Variants in SYCP1 observed in about 807,000 individuals in gnomAD.
The protein encoded by SYCP1 is synaptonemal complex protein 1.
SYCP1 carries 64 observed loss-of-function variants against 153.1 expected under a neutral mutation model. That is an observed-to-expected ratio of 0.42 (90% CI 0.34 to 0.51). The LOEUF is 0.51. SYCP1 is among the 20% of genes least tolerant of loss of function. SYCP1 has a pLI of 0.06. For missense variants in SYCP1, 997 were observed against 1,049.0 expected (o/e 0.95, Z 0.68); for synonymous variants, 384 against 341.8 (o/e 1.12, Z -1.36).
At chr1:114,941,227 T>G (rs2101807355) in intron 23 of SYCP1, among the ~76,000 whole-genome samples, 1 of 152,296 alleles carries the variant, frequency 6.6e-6, no homozygotes, top group South Asian at 2.1e-4. Flanking sequence ...TATAAATGGA[T>G]GCAGTTCAAA....
At position 114,977,608 on chromosome 1, in the gene SYCP1, A is replaced by G; in HGVS notation, c.2374A>G (p.Lys792Glu). Reference protein sequence around the residue: ...KENTATLKEKKDKKTQTFLLE... With the variant: ...KENTATLKEKEDKKTQTFLLE... ...AAACACAGCTACTCTTAAAGAAAAA[A>G]AAGACAAGGTAAGAGCATATAATTC... Residue 792 changes from lysine (K) to glutamate (E), a missense_variant, in exon 28 of 32, where the codon AAA (lysine) becomes GAA (glutamate). By Grantham distance (56) the Lys-to-Glu change is moderately conservative (BLOSUM62 1). Transcript: ENST00000369522. 2.7e-6 allele frequency: 4 copies of G among 1,506,120 alleles called. No individual in the cohort carries two copies. The highest frequency in any genetic ancestry group is 2.7e-6 in the Non-Finnish European group (3 of 1,122,158). The allele number at this position is 1,506,120 out of a possible 1,614,324, so 93.3% of individuals were successfully genotyped here.
rs539322891 is a variant in SYCP1 at position 114,939,460 on chromosome 1, G to C, written c.1927-4879G>C. 1.7e-4 allele frequency among the ~76,000 whole-genome samples: 26 copies of C among 152,252 alleles called. No individual in the cohort carries two copies. The East Asian group carries it at 4.4e-3, about 26-fold the overall frequency. On this transcript the variant is annotated intron_variant, in intron 23 of 31. Transcript: ENST00000369522. Reference sequence around the variant, plus strand: ...TATTCATATAATGGAATACTACTCAGAAGTAAAAAAGACCTACTGATAGTC... The same window carrying C: ...TATTCATATAATGGAATACTACTCACAAGTAAAAAAGACCTACTGATAGTC...
chr1:114,947,745 G>A (rs1459001540), intron 27 of SYCP1, among the ~76,000 whole-genome samples: 1 of 145,254 alleles, frequency 6.9e-6, no homozygotes, highest in African/African-American at 2.5e-5. Context: ...CCCGGGAGGC[G>A]GAGCTTGCAG....
At chr1:114,864,013 C>A (rs890050674) in intron 8 of SYCP1, among the ~76,000 whole-genome samples, 3 of 151,234 alleles carry the variant, frequency 2.0e-5, no homozygotes. Flanking sequence ...AGGACAAATA[C>A]CTAATGCAGG....
chr1:114,988,085 A>G (rs1442826869), intron 30 of SYCP1, among the ~76,000 whole-genome samples: 1 of 149,460 alleles, frequency 6.7e-6, no homozygotes, highest in Non-Finnish European at 1.5e-5. Context: ...AACGGCAAAA[A>G]AAAAAAAAAA....
At chr1:114,938,333 G>A (rs1210024219) in intron 23 of SYCP1, among the ~76,000 whole-genome samples, 1 of 148,486 alleles carries the variant, frequency 6.7e-6, no homozygotes, top group Non-Finnish European at 1.5e-5. Flanking sequence ...TCACTCATAG[G>A]TGTGAATTGA....
At chr1:114,964,786 G>C (rs774586308) in intron 27 of SYCP1, among the ~76,000 whole-genome samples, 1 of 152,200 alleles carries the variant, frequency 6.6e-6, no homozygotes, top group Non-Finnish European at 1.5e-5. Flanking sequence ...ATAGTTTGAA[G>C]TCACGTAGCA....
At chr1:114,990,469 T>G (rs529764029) in intron 30 of SYCP1, among the ~76,000 whole-genome samples, 1 of 151,836 alleles carries the variant, frequency 6.6e-6, no homozygotes, top group Non-Finnish European at 1.5e-5. Flanking sequence ...CCTAGTAGAT[T>G]GAGGGAAATA....
chr1:114,869,691 G>A (rs1664985173), intron 8 of SYCP1, among the ~76,000 whole-genome samples: 2 of 152,092 alleles, frequency 1.3e-5, no homozygotes, highest in Admixed American at 1.3e-4. Context: ...TTTTCAGATT[G>A]GGGATGCTCA....
At chr1:114,978,649 T>G (rs1472763764) in intron 28 of SYCP1, among the ~76,000 whole-genome samples, 1 of 151,656 alleles carries the variant, frequency 6.6e-6, no homozygotes, top group Admixed American at 6.6e-5. Context: ...TTGCTCTGAT[T>G]ATAGTTAAAC....
intron 27 of SYCP1, among the ~76,000 whole-genome samples, chr1:114,948,653 C>A (rs1262520196): frequency 6.6e-6 from 1 of 152,032 alleles, no homozygotes; most frequent in Non-Finnish European, 1.5e-5. Flanking sequence ...CACTCTGTGC[C>A]CCCTGTTATA....
intron 20 of SYCP1, among the ~76,000 whole-genome samples, chr1:114,919,606 T>A (rs1475077545): frequency 6.6e-6 from 1 of 152,092 alleles, no homozygotes; most frequent in African/African-American, 2.4e-5. Context: ...TTTGAAAAAT[T>A]CAGCAGTGAA....
At chr1:114,988,015 T>A (rs1386677021) in intron 30 of SYCP1, among the ~76,000 whole-genome samples, 2 of 134,296 alleles carry the variant, frequency 1.5e-5, no homozygotes, top group Non-Finnish European at 3.1e-5. Flanking sequence ...CAGATTTGAG[T>A]AAGCAGAAAA....
intron 27 of SYCP1, among the ~76,000 whole-genome samples, chr1:114,949,186 C>G (rs72695823): frequency 6.6e-6 from 1 of 152,130 alleles, no homozygotes; most frequent in African/African-American, 2.4e-5. Flanking sequence ...CGCAATGGGG[C>G]ATCATGCTCT....
At chr1:114,880,068 T>A (rs577840001) in intron 12 of SYCP1, among the ~76,000 whole-genome samples, 2 of 152,342 alleles carry the variant, frequency 1.3e-5, no homozygotes, top group East Asian at 1.9e-4. Flanking sequence ...ATATGTCTCA[T>A]CTGTTGGTTT....
At chr1:114,966,498 C>T (rs558574897) in intron 27 of SYCP1, among the ~76,000 whole-genome samples, 1 of 152,214 alleles carries the variant, frequency 6.6e-6, no homozygotes, top group East Asian at 1.9e-4. Context: ...ACAAATTTCC[C>T]TATAAACACT....
At position 114,876,805 on chromosome 1, in the gene SYCP1, A is replaced by G; in HGVS notation, c.796A>G (p.Lys266Glu). 1.4e-6 allele frequency: 2 copies of G among 1,391,856 alleles called. No individual in the cohort carries two copies. The highest frequency in any genetic ancestry group is 1.9e-6 in the Non-Finnish European group (2 of 1,068,082). 86.2% of individuals were successfully genotyped at this position (1,391,856 alleles called of 1,614,324 possible). A position where few individuals can be genotyped will look rare whatever the true frequency, so the allele number is the denominator to read the frequency against. ...CAAGAAGGAAATAAATGACAAGGAA[A>G]AGCAGGTTTTTTAAAAAACCAACTC... ...EYKKEINDKE[K>E]QVSLLLIQIT... Residue 266 changes from lysine (K) to glutamate (E), a missense_variant, in exon 11 of 32, where the codon AAG (lysine) becomes GAG (glutamate). Lys to Glu is a moderately conservative substitution (Grantham distance 56, BLOSUM62 1). Coordinates refer to ENST00000369522, the MANE Select transcript of SYCP1 (RefSeq NM_003176.4).
chr1:114,924,493 C>T (rs531247476), intron 21 of SYCP1, among the ~76,000 whole-genome samples: 2 of 152,054 alleles, frequency 1.3e-5, no homozygotes, highest in African/African-American at 2.4e-5. Context: ...GACATCTAAT[C>T]CAAACTTGAG....
intron 16 of SYCP1, among the ~76,000 whole-genome samples, chr1:114,907,811 G>T (rs1279923838): frequency 6.6e-6 from 1 of 151,980 alleles, no homozygotes; most frequent in Non-Finnish European, 1.5e-5. Context: ...TCGATCTCCT[G>T]ACCTCGTGAT....
Sources: gnomAD v4.1 joint callset for allele counts (sites outside exome capture counted in the v4.1 genomes callset) on GRCh38, gnomAD v4.1.1 for gene constraint, MANE v1.5 for transcripts, NCBI Gene and HGNC (gene_info 2026-07-23, HGNC 2026-07-21) for gene names.